PGPEP1: variants seen among roughly 807,000 people sequenced by gnomAD.
The protein encoded by PGPEP1 is pyroglutamyl-peptidase 1.
A neutral mutation model predicts 24.1 loss-of-function variants in PGPEP1; 15 were observed. The ratio of observed to expected loss-of-function variants is 0.62; its 90% CI spans 0.42 to 0.96. The LOEUF (loss-of-function observed/expected upper bound fraction) is 0.96. Ranked by LOEUF, PGPEP1 falls within the 40% of genes least tolerant of loss-of-function variation. The pLI, the probability that PGPEP1 is intolerant of heterozygous loss-of-function variation, is 0.00. For missense variants in PGPEP1, 242 were observed against 273.4 expected, an observed-to-expected ratio of 0.89 and a Z score of 0.81; for synonymous variants, 122 against 116.4, an observed-to-expected ratio of 1.05 and a Z score of -0.31.
Position 18,356,557 on chromosome 19 carries a change from G to C in PGPEP1, c.204+546G>C, listed in dbSNP as rs374070322. On this transcript the variant is annotated intron_variant, in intron 3 of 4. Transcript: ENST00000269919. ...AGTCTAGGAGTTTGAGACCAGCCTG[G>C]GCAGCATAGTGAGATCCCATCTCTA... Among the ~76,000 whole-genome samples, 8 of 152,046 alleles carry C rather than the reference G, an allele frequency of 5.3e-5. No homozygotes were observed. The South Asian group carries it at 8.3e-4, about 16-fold the overall frequency.
rs1555713145 is a variant in PGPEP1, at chr19:18,363,033, T to TTGTTTGTGTGTGTGTG, written c.438-355_438-354insTTGTGTGTGTGTGTGT. Among the ~76,000 whole-genome samples, 7 of 136,788 alleles carry TTGTTTGTGTGTGTGTG rather than the reference T, an allele frequency of 5.1e-5. No individual in the cohort carries two copies. The South Asian group carries it at 1.5e-3, about 28-fold the overall frequency. The allele number at this position is 136,788 out of a possible 152,430, so 89.7% of individuals were successfully genotyped here. On this transcript the variant is annotated intron_variant, in intron 4 of 4. Transcript: ENST00000269919. Reference sequence around the variant, plus strand: ...CTGGGAGTTATCAAGTTTTTTTTGTTTGTGTGTGTGTGTGTGTGTGTGTGT... The same window carrying TTGTTTGTGTGTGTGTG: ...CTGGGAGTTATCAAGTTTTTTTTGTTTGTTTGTGTGTGTGTGTGTGTGTGTGTGTGTGTGTGTGTGT...
In PGPEP1 at chr19:18,360,290, C is replaced by T. The variant is rs148478752; in HGVS notation, c.437+2675C>T. 1.8e-4 allele frequency among the ~76,000 whole-genome samples: 28 copies of T among 152,260 alleles called. No individual in the cohort carries two copies. In the East Asian group the frequency reaches 5.4e-3, roughly 29 times the overall value. The stretch of plus-strand genomic sequence containing the variant: ...AAGTGCTGGGATTATAGGCAAAAGC[C>T]ACCGCACACCACTGAGTTCTTTTTA... On this transcript the variant is annotated intron_variant, in intron 4 of 4. Coordinates refer to ENST00000269919, the MANE Select transcript of PGPEP1 (RefSeq NM_017712.4).
In PGPEP1 at chr19:18,368,513, A is replaced by G. The variant is rs1259802835; in HGVS notation, c.*4930A>G. The G allele has an allele frequency of 1.3e-5, 2 of 152,464 alleles. No individual in the cohort carries two copies. Among genetic ancestry groups the G allele is most frequent in the African/African-American group, 4.8e-5 (2 of 41,450 alleles). 9.4% of individuals were successfully genotyped at this position (152,464 alleles called of 1,614,324 possible). A position where few individuals can be genotyped will look rare whatever the true frequency, so the allele number is the denominator to read the frequency against. On this transcript the variant is annotated 3_prime_UTR_variant, in exon 5 of 5. Transcript: ENST00000269919. ...TGGCATAGAAACATCTAGAACAGAAAGTATCCACTCTGGGGCAGATGGGAG... is the reference window on the plus strand; with the variant it reads ...TGGCATAGAAACATCTAGAACAGAAGGTATCCACTCTGGGGCAGATGGGAG...
intron 2 of PGPEP1, among the ~76,000 whole-genome samples, chr19:18,349,692 A>G (rs762665126): frequency 1.3e-5 from 2 of 152,134 alleles, no homozygotes; most frequent in African/African-American, 2.4e-5. Context: ...TCCCGTCCCC[A>G]TCGCCGCTCC....
In PGPEP1 at chr19:18,369,729, G is replaced by T. The variant is rs1600239617; in HGVS notation, c.*6146G>T. On this transcript the variant is annotated 3_prime_UTR_variant, in exon 5 of 5. Coordinates refer to ENST00000269919, the MANE Select transcript of PGPEP1 (RefSeq NM_017712.4). The stretch of plus-strand genomic sequence containing the variant: ...AGGAAAAAACCCTTCCCTGCCAAAG[G>T]TGACTGTGTTTTCTGCCGCCGAAGG... 1 of 152,170 alleles carries T rather than the reference G, an allele frequency of 6.6e-6. No individual in the cohort carries two copies. The highest frequency in any genetic ancestry group is 1.9e-4 in the East Asian group (1 of 5,172). 9.4% of individuals were successfully genotyped at this position (152,170 alleles called of 1,614,324 possible). A position where few individuals can be genotyped will look rare whatever the true frequency, so the allele number is the denominator to read the frequency against.
Position 18,367,167 on chromosome 19 carries a change from A to G in PGPEP1, c.*3584A>G, listed in dbSNP as rs1283241912. ...CAAGACTCTGTCTCAAAAAAAAAAA[A>G]AAAAAAAATCCTCATGCAAGAAGGG... On this transcript the variant is annotated 3_prime_UTR_variant, in exon 5 of 5. Transcript: ENST00000269919. 1 of 151,758 alleles carries G rather than the reference A, an allele frequency of 6.6e-6. No homozygotes were observed. The highest frequency in any genetic ancestry group is 2.4e-5 in the African/African-American group (1 of 41,128). 9.4% of individuals were successfully genotyped at this position (151,758 alleles called of 1,614,324 possible). A position where few individuals can be genotyped will look rare whatever the true frequency, so the allele number is the denominator to read the frequency against.
At chr19:18,356,171 G>A (rs1216394011) in intron 3 of PGPEP1, among the ~76,000 whole-genome samples, 160 bp downstream of exon 3, 1 of 152,222 alleles carries the variant, frequency 6.6e-6, no homozygotes, top group East Asian at 1.9e-4. Flanking sequence ...GGTGGCTCAT[G>A]CCTGTAATCC....
At position 18,368,626 on chromosome 19, in the gene PGPEP1, C is replaced by T. The variant is rs1971621332; in HGVS notation, c.*5043C>T. 6.5e-6 allele frequency: 1 copy of T among 152,802 alleles called. No homozygotes were observed. Among genetic ancestry groups the T allele is most frequent in the African/African-American group, 2.4e-5 (1 of 41,454 alleles). The allele number at this position is 152,802 out of a possible 1,614,324, so 9.5% of individuals were successfully genotyped here. A position where few individuals can be genotyped will look rare whatever the true frequency, so the allele number is the denominator to read the frequency against. ...AGCTGGTATGTTTACACCTGCACTCCAGTGCCCTGGGGAGGTGACCAGGTG... is the reference window on the plus strand; with the variant it reads ...AGCTGGTATGTTTACACCTGCACTCTAGTGCCCTGGGGAGGTGACCAGGTG... On this transcript the variant is annotated 3_prime_UTR_variant, in exon 5 of 5. Coordinates refer to ENST00000269919, the MANE Select transcript of PGPEP1 (RefSeq NM_017712.4).
rs1028223225 is a variant in PGPEP1 at position 18,366,115 on chromosome 19, G to GT, written c.*2535dup. The GT allele has an allele frequency of 1.3e-5, 2 of 152,238 alleles. No individual in the cohort carries two copies. Among genetic ancestry groups the GT allele is most frequent in the African/African-American group, 4.8e-5 (2 of 41,544 alleles). 9.4% of individuals were successfully genotyped at this position (152,238 alleles called of 1,614,324 possible). On this transcript the variant is annotated 3_prime_UTR_variant, in exon 5 of 5. Transcript: ENST00000269919. ...GAGGTCTGGTGGAAAGCAACTTCAG[G>GT]TTTCATCTTGCTCTATTCCTCAAAG...
intron 3 of PGPEP1, 99 bp from the exon 4 acceptor site, chr19:18,357,284 C>T (rs1349743380): frequency 2.6e-6 from 2 of 783,598 alleles, no homozygotes; most frequent in Admixed American, 2.2e-5. Context: ...CAACCCCAGG[C>T]AGAGCTCATT....
chr19:18,367,917 C>T lies in PGPEP1; in HGVS notation c.*4334C>T, dbSNP rs1398618162. 6.6e-6 allele frequency: 1 copy of T among 151,964 alleles called. No homozygotes were observed. Among genetic ancestry groups the T allele is most frequent in the Non-Finnish European group, 1.5e-5 (1 of 68,152 alleles). 9.4% of individuals were successfully genotyped at this position (151,964 alleles called of 1,614,324 possible). On this transcript the variant is annotated 3_prime_UTR_variant, in exon 5 of 5. Transcript: ENST00000269919. Reference sequence around the variant, plus strand: ...CTGAGGTGGGAGGATTGCTTGAGCCCGGGAGTTCGAGACCAGCCCTGGGCA... The same window carrying T: ...CTGAGGTGGGAGGATTGCTTGAGCCTGGGAGTTCGAGACCAGCCCTGGGCA...
chr19:18,346,615 G>GT (rs1970851978), intron 2 of PGPEP1, among the ~76,000 whole-genome samples: 1 of 142,936 alleles, frequency 7.0e-6, no homozygotes, highest in African/African-American at 2.6e-5. Context: ...TTCTCTATCT[G>GT]TGTGTGTCTG....
At chr19:18,343,053 G>T in intron 2 of PGPEP1, 142 bp downstream of exon 2, 5 of 655,100 alleles carry the variant, frequency 7.6e-6, no homozygotes, top group Non-Finnish European at 1.4e-5. Flanking sequence ...AGGCTGGAAT[G>T]CAATGGCACA....
At chr19:18,348,555 C>A (rs143536924) in intron 2 of PGPEP1, among the ~76,000 whole-genome samples, 159 of 152,196 alleles carry the variant, frequency 1.0e-3, no homozygotes, top group African/African-American at 3.6e-3. Context: ...CCCCTTCTCC[C>A]GGAGGAGAAC....
chr19:18,363,437 G>T lies in PGPEP1; in HGVS notation c.484G>T (p.Gly162Cys). 6.2e-7 allele frequency: 1 copy of T among 1,613,796 alleles called. No individual in the cohort carries two copies. Among genetic ancestry groups the T allele is most frequent in the Non-Finnish European group, 8.5e-7 (1 of 1,179,760 alleles). Residue 162 changes from glycine (G) to cysteine (C), a missense_variant, in exon 5 of 5, where the codon GGT (glycine) becomes TGT (cysteine). Gly to Cys is a radical substitution (Grantham distance 159). Transcript: ENST00000269919. ...TYYTSLYQSH[G>C]RSAFVHVPPL... ...CTACACCTCTTTGTACCAGAGTCAC[G>T]GTCGATCAGCCTTCGTCCACGTGCC...
rs1263995077 is a variant in PGPEP1, at chr19:18,345,725, C to CAAAAA, written c.87+2830_87+2834dup. On this transcript the variant is annotated intron_variant, in intron 2 of 4. Transcript: ENST00000269919. ...CAGGTGACAGAGCTAGACCCTATCT[C>CAAAAA]AAAAAAAAAAAAAAAAAAAAGAAAA... 4.8e-4 allele frequency among the ~76,000 whole-genome samples: 43 copies of CAAAAA among 89,562 alleles called. 1 individual carries two copies. Among genetic ancestry groups the CAAAAA allele is most frequent in the Non-Finnish European group, 5.8e-4 (26 of 45,070 alleles). 58.8% of individuals were successfully genotyped at this position (89,562 alleles called of 152,430 possible). A position where few individuals can be genotyped will look rare whatever the true frequency, so the allele number is the denominator to read the frequency against.
At chr19:18,356,032 G>GCAC in intron 3 of PGPEP1, 21 bp downstream of exon 3, 1 of 1,410,524 alleles carries the variant, frequency 7.1e-7, no homozygotes, top group Non-Finnish European at 1.0e-6. Context: ...CCAAGGGGCG[G>GCAC]CACTTCCTCA....
rs1002986879 is a variant in PGPEP1, at chr19:18,357,330, C to A, written c.205-53C>A. The A allele has an allele frequency of 4.9e-6, 7 of 1,416,110 alleles. No individual in the cohort carries two copies. The South Asian group carries it at 8.3e-5, about 17-fold the overall frequency. 87.7% of individuals were successfully genotyped at this position (1,416,110 alleles called of 1,614,324 possible). On this transcript the variant is annotated intron_variant, in intron 3 of 4. Coordinates refer to ENST00000269919, the MANE Select transcript of PGPEP1 (RefSeq NM_017712.4). ...CCTTTTCCCTGGCCTCAGGGGGACC[C>A]CTCTGAGTCCCACGGGCAGGCCATG... is the stretch of plus-strand genomic sequence containing the variant.
chr19:18,352,154 C>G (rs186914575), intron 2 of PGPEP1, among the ~76,000 whole-genome samples: 29 of 150,698 alleles, frequency 1.9e-4, no homozygotes, highest in Non-Finnish European at 3.7e-4. Flanking sequence ...TGCCTGTAGT[C>G]CCAGCTACTC....
Sources: gnomAD v4.1 joint callset for allele counts (sites outside exome capture counted in the v4.1 genomes callset) on GRCh38, gnomAD v4.1.1 for gene constraint, MANE v1.5 for transcripts, NCBI Gene and HGNC (gene_info 2026-07-23, HGNC 2026-07-21) for gene names.